Variants in SRP54 observed in about 807,000 individuals in gnomAD.
The protein encoded by SRP54 is signal recognition particle subunit SRP54.
Under a neutral mutation model 64.8 loss-of-function variants are expected in SRP54, and 10 were observed. The ratio of observed to expected loss-of-function variants is 0.15; its 90% CI spans 0.10 to 0.26. The LOEUF (loss-of-function observed/expected upper bound fraction) is 0.26. Among genes scored for constraint, SRP54 ranks in the 10% least tolerant of loss-of-function variants. The pLI, the probability that SRP54 is intolerant of heterozygous loss-of-function variation, is 1.00. For missense variants in SRP54, 325 were observed against 613.7 expected (o/e 0.53, Z 4.97); for synonymous variants, 193 against 185.6 (o/e 1.04, Z -0.32).
intron 4 of SRP54, among the ~76,000 whole-genome samples, chr14:35,002,339 G>T (rs1441222172): frequency 6.6e-6 from 1 of 151,990 alleles, no homozygotes; most frequent in Admixed American, 6.6e-5. Flanking sequence ...GGGGGAGAGG[G>T]TGAGACCCTG....
At chr14:35,022,755 A>G (rs558328180) in intron 13 of SRP54, among the ~76,000 whole-genome samples, 155 bp from the exon 14 acceptor site, 22 of 152,334 alleles carry the variant, frequency 1.4e-4, no homozygotes, top group Middle Eastern at 6.8e-3. Flanking sequence ...GTTTTTCTGT[A>G]TGTAAGATAT....
intron 1 of SRP54, among the ~76,000 whole-genome samples, chr14:34,991,754 C>T (rs918466323): frequency 2.0e-5 from 3 of 151,630 alleles, no homozygotes; most frequent in Non-Finnish European, 2.9e-5. Context: ...GGGGGCCTTA[C>T]AGTCCATTCT....
At chr14:35,022,148 T>A (rs947827789) in intron 13 of SRP54, among the ~76,000 whole-genome samples, 1 of 152,036 alleles carries the variant, frequency 6.6e-6, no homozygotes, top group Non-Finnish European at 1.5e-5. Flanking sequence ...AGAGCTAAAG[T>A]GAGCATTTGT....
At chr14:34,985,506 T>A (rs1048342636) in intron 1 of SRP54, among the ~76,000 whole-genome samples, 1 of 152,208 alleles carries the variant, frequency 6.6e-6, no homozygotes, top group African/African-American at 2.4e-5. Context: ...CTAGTTTCTT[T>A]TTCTCTAGTT....
intron 7 of SRP54, among the ~76,000 whole-genome samples, chr14:35,010,301 C>T (rs978692883): frequency 7.2e-5 from 11 of 151,970 alleles, no homozygotes; most frequent in Admixed American, 1.3e-4. Context: ...TACAAAATAA[C>T]TGGACGTGGT....
At chr14:35,022,226 T>C (rs542270139) in intron 13 of SRP54, among the ~76,000 whole-genome samples, 1 of 152,234 alleles carries the variant, frequency 6.6e-6, no homozygotes, top group South Asian at 2.1e-4. Flanking sequence ...ACATATGAAG[T>C]ATGGAAATGT....
intron 7 of SRP54, among the ~76,000 whole-genome samples, chr14:35,009,768 C>A (rs2044325341): frequency 6.6e-6 from 1 of 152,130 alleles, no homozygotes; most frequent in South Asian, 2.1e-4. Flanking sequence ...TGGCTCATAT[C>A]TGTAATCCCA....
At chr14:34,998,884 C>G (rs10459425) in intron 2 of SRP54, among the ~76,000 whole-genome samples, 1 of 151,122 alleles carries the variant, frequency 6.6e-6, no homozygotes, top group Non-Finnish European at 1.5e-5. Flanking sequence ...GACAGGAGCT[C>G]TTCAATAAAG....
At chr14:35,020,908 C>T (rs567586531) in intron 13 of SRP54, among the ~76,000 whole-genome samples, 1 of 152,314 alleles carries the variant, frequency 6.6e-6, no homozygotes, top group South Asian at 2.1e-4. Flanking sequence ...TTCCTGACTT[C>T]CTTCCTTCTT....
intron 7 of SRP54, among the ~76,000 whole-genome samples, chr14:35,009,578 T>G (rs1054524453): frequency 2.0e-5 from 3 of 152,118 alleles, no homozygotes; most frequent in Admixed American, 1.3e-4. Context: ...GGGATGAGAT[T>G]AAACTTTTAT....
At chr14:35,020,708 A>G (rs1437650527) in intron 13 of SRP54, among the ~76,000 whole-genome samples, 1 of 152,108 alleles carries the variant, frequency 6.6e-6, no homozygotes. Context: ...AAATGTTTGC[A>G]TGTAGAATTC....
At chr14:35,007,668 ATTTTATTAAAATATATTTACATAAAATAG>A (rs2044284425) in intron 5 of SRP54, among the ~76,000 whole-genome samples, 1 of 90,322 alleles carries the variant, frequency 1.1e-5, no homozygotes, top group Admixed American at 1.1e-4. Flanking sequence ...CATAAAATAG[ATTTTATTAAAATATATTTACATAAAATAG>A]ATTTTATTAA....
chr14:35,009,959 C>T (rs2044328783), intron 7 of SRP54, among the ~76,000 whole-genome samples: 1 of 151,756 alleles, frequency 6.6e-6, no homozygotes, highest in South Asian at 2.1e-4. Context: ...ACCAGCCTGG[C>T]CAACACAGTG....
intron 7 of SRP54, among the ~76,000 whole-genome samples, chr14:35,010,026 T>TA (rs1261926707): frequency 6.6e-6 from 1 of 151,916 alleles, no homozygotes; most frequent in Non-Finnish European, 1.5e-5. Flanking sequence ...TGGGTGCCTG[T>TA]AATCCTAGCT....
At chr14:35,012,586 G>A (rs969516986) in intron 8 of SRP54, among the ~76,000 whole-genome samples, 1 of 152,062 alleles carries the variant, frequency 6.6e-6, no homozygotes, top group African/African-American at 2.4e-5. Flanking sequence ...ACTTTGATTT[G>A]CCTTTGTACT....
Position 35,023,182 on chromosome 14 carries a change from T to A in SRP54, c.1327+102T>A. The A allele has an allele frequency of 3.2e-6, 3 of 944,566 alleles. No individual in the cohort carries two copies. In the Middle Eastern group the frequency reaches 7.5e-4, roughly 235 times the overall value. The allele number at this position is 944,566 out of a possible 1,614,324, so 58.5% of individuals were successfully genotyped here. A position where few individuals can be genotyped will look rare whatever the true frequency, so the allele number is the denominator to read the frequency against. ...GGAAAATTCACAGCTGAATTTCATG[T>A]TATTTTCAAGTACTTCCAGGATTTA... On this transcript the variant is annotated intron_variant, in intron 14 of 15. Coordinates refer to ENST00000216774, the MANE Select transcript of SRP54 (RefSeq NM_003136.4).
intron 11 of SRP54, among the ~76,000 whole-genome samples, chr14:35,018,384 A>G (rs751579472): frequency 7.2e-5 from 11 of 152,072 alleles, no homozygotes; most frequent in African/African-American, 1.7e-4. Context: ...GATATTGTCA[A>G]CCTTTAAAAT....
At position 34,994,003 on chromosome 14, in the gene SRP54, A is replaced by AT. The variant is rs1322692003; in HGVS notation, c.-33-2666dup. Among the ~76,000 whole-genome samples the AT allele has an allele frequency of 2.3e-5, 3 of 129,828 alleles. No homozygotes were observed. The East Asian group carries it at 7.2e-4, about 31-fold the overall frequency. The allele number at this position is 129,828 out of a possible 152,430, so 85.2% of individuals were successfully genotyped here. Reference sequence around the variant, plus strand: ...AGCCACCGCACCTGGCCCAAAATTTATTTTTTTTAATACGGACTTTCTCTC... The same window carrying AT: ...AGCCACCGCACCTGGCCCAAAATTTATTTTTTTTTAATACGGACTTTCTCTC... On this transcript the variant is annotated intron_variant, in intron 1 of 15. Coordinates refer to ENST00000216774, the MANE Select transcript of SRP54 (RefSeq NM_003136.4).
intron 14 of SRP54, among the ~76,000 whole-genome samples, chr14:35,024,092 A>T (rs2044580536): frequency 6.6e-6 from 1 of 152,066 alleles, no homozygotes; most frequent in Non-Finnish European, 1.5e-5. Context: ...CAGTGGCACA[A>T]TCTCGGCTCA....
Sources: gnomAD v4.1 joint callset for allele counts (sites outside exome capture counted in the v4.1 genomes callset) on GRCh38, gnomAD v4.1.1 for gene constraint, MANE v1.5 for transcripts, NCBI Gene and HGNC (gene_info 2026-07-23, HGNC 2026-07-21) for gene names.